The following HMHB1 variants were observed in gnomAD, a reference collection of about 807,000 sequenced individuals.
HMHB1 encodes the protein histocompatibility minor HB-1, also known as minor histocompatibility protein HB-1.
In HMHB1, 4 loss-of-function variants were observed where a neutral mutation model predicts 2.4. That is an observed-to-expected ratio of 1.65 (90% CI 0.81 to 3.77). HMHB1 has a LOEUF of 3.77. Ranked by LOEUF, HMHB1 falls within the 30% of genes most tolerant of loss-of-function variation. HMHB1 has a pLI of 0.01. For missense variants in HMHB1, 57 were observed against 44.2 expected (o/e 1.29, Z -0.82); for synonymous variants, 22 against 17.6 (o/e 1.25, Z -0.63).
At chr5:143,817,447 A>G (rs573008098) in intron 1 of HMHB1, among the ~76,000 whole-genome samples, 3 of 152,206 alleles carry the variant, frequency 2.0e-5, no homozygotes, top group Admixed American at 1.3e-4. Context: ...TCCCACCACC[A>G]TTTGTTGACA....
chr5:143,815,995 T>C (rs1428539985), intron 1 of HMHB1, among the ~76,000 whole-genome samples: 1 of 152,188 alleles, frequency 6.6e-6, no homozygotes. Flanking sequence ...CGTGAGCCGC[T>C]GTGCCCAGCC....
At position 143,812,315 on chromosome 5, in the gene HMHB1, G is replaced by C; in HGVS notation, c.37+11G>C. The C allele has an allele frequency of 1.9e-6, 3 of 1,550,712 alleles. No individual in the cohort carries two copies. Among genetic ancestry groups the C allele is most frequent in the Non-Finnish European group, 2.6e-6 (3 of 1,146,060 alleles). On this transcript the variant is annotated intron_variant, in intron 1 of 1. Coordinates refer to ENST00000289448, the MANE Select transcript of HMHB1 (RefSeq NM_021182.3). ...GAGAAGAAAAAAGAGGTGAGGGAGC[G>C]AGGAGGAGGGAGAACAGAGAGAGAG...
At position 143,820,488 on chromosome 5, in the gene HMHB1, C is replaced by T. The variant is rs161557; in HGVS notation, c.46C>T (p.His16Tyr). 0.24 allele frequency: 377,156 copies of T among 1,598,138 alleles called. 47,176 individuals carry two copies. The highest frequency in any genetic ancestry group is 0.41 in the East Asian group (18,378 of 44,698). ...GCCATTCTTTTCTATAGGTTCTCTG[C>T]ATGTTTGGAAGTCGGAATTGGTTGA... is the stretch of plus-strand genomic sequence containing the variant. The change falls in exon 2 of 2, where the codon CAT becomes TAT. Residue 16 changes from histidine to tyrosine, a missense_variant. By Grantham distance (83) the His-to-Tyr change is moderately conservative (BLOSUM62 2). Transcript: ENST00000289448.
chr5:143,820,340 A>AAACAG, intron 1 of HMHB1, 140 bp from the exon 2 acceptor site: 1 of 344,082 alleles, frequency 2.9e-6, no homozygotes, highest in Non-Finnish European at 5.3e-6. Context: ...AAAAAAAAAA[A>AAACAG]AAAAAAAAAA....
At chr5:143,820,341 AAAAAAAAAAC>A in intron 1 of HMHB1, 129 bp from the exon 2 acceptor site, 5 of 342,966 alleles carry the variant, frequency 1.5e-5, no homozygotes, top group Middle Eastern at 8.2e-4. Flanking sequence ...AAAAAAAAAA[AAAAAAAAAAC>A]AGAACAAAAC....
chr5:143,820,484 T>C lies in HMHB1; in HGVS notation c.42T>C (p.Ser14=). The C allele has an allele frequency of 6.2e-7, 1 of 1,603,330 alleles. No homozygotes were observed. Among genetic ancestry groups the C allele is most frequent in the African/African-American group, 1.3e-5 (1 of 74,796 alleles). ...CTAAGCCATTCTTTTCTATAGGTTC[T>C]CTGCATGTTTGGAAGTCGGAATTGG... is the stretch of plus-strand genomic sequence containing the variant. The change falls in exon 2 of 2, where the codon TCT becomes TCC. Residue 14 remains serine (S), a synonymous_variant. Transcript: ENST00000289448.
intron 1 of HMHB1, among the ~76,000 whole-genome samples, chr5:143,816,388 CT>C (rs1759749969): frequency 6.6e-6 from 1 of 152,130 alleles, no homozygotes; most frequent in Non-Finnish European, 1.5e-5. Flanking sequence ...CCAAAGTCCA[CT>C]GTGTCATTAT....
chr5:143,817,512 C>A (rs1404326817), intron 1 of HMHB1, among the ~76,000 whole-genome samples: 1 of 152,110 alleles, frequency 6.6e-6, no homozygotes, highest in Non-Finnish European at 1.5e-5. Flanking sequence ...TATCAGTTGG[C>A]TGTAAGTATT....
In HMHB1 at chr5:143,812,295, GAA is replaced by G. The variant is rs1561936253; in HGVS notation, c.33_34del (p.Gly13PhefsTer11). On this transcript the variant is annotated frameshift_variant, in exon 1 of 2. Transcript: ENST00000289448. LOFTEE classifies it low-confidence loss of function (END_TRUNC). ...GGAGGAGCAGCCAGAATGCAGAGAAGAAAAAAGAGGTGAGGGAGCGAGGAGGA... is the reference window on the plus strand; with the variant it reads ...GGAGGAGCAGCCAGAATGCAGAGAAGAAAAGAGGTGAGGGAGCGAGGAGGA... 6.4e-7 allele frequency: 1 copy of G among 1,551,594 alleles called. No homozygotes were observed. The highest frequency in any genetic ancestry group is 8.7e-7 in the Non-Finnish European group (1 of 1,146,948).
intron 1 of HMHB1, among the ~76,000 whole-genome samples, chr5:143,817,437 T>C (rs1759761740): frequency 6.6e-6 from 1 of 152,216 alleles, no homozygotes; most frequent in Admixed American, 6.5e-5. Context: ...TAGCCAATTA[T>C]CCCACCACCA....
intron 1 of HMHB1, 142 bp from the exon 2 acceptor site, chr5:143,820,338 A>AC (rs1759797181): frequency 2.9e-6 from 1 of 345,220 alleles, no homozygotes; most frequent in Admixed American, 4.6e-5. Flanking sequence ...AAAAAAAAAA[A>AC]AAAAAAAAAA....
intron 1 of HMHB1, among the ~76,000 whole-genome samples, chr5:143,817,137 AT>A (rs1181293928): frequency 6.6e-6 from 1 of 151,800 alleles, no homozygotes; most frequent in African/African-American, 2.4e-5. Context: ...GATTGTGAAG[AT>A]TTTTTTCTCA....
intron 1 of HMHB1, among the ~76,000 whole-genome samples, chr5:143,816,943 C>T (rs1372745707): frequency 6.6e-6 from 1 of 152,176 alleles, no homozygotes; most frequent in East Asian, 1.9e-4. Flanking sequence ...TTTGCATTTC[C>T]TTGATCATTA....
chr5:143,817,217 C>T (rs1266329493), intron 1 of HMHB1, among the ~76,000 whole-genome samples: 2 of 152,054 alleles, frequency 1.3e-5, no homozygotes, highest in East Asian at 3.9e-4. Context: ...TAATTAAGTC[C>T]CAGCTATTTA....
intron 1 of HMHB1, among the ~76,000 whole-genome samples, chr5:143,814,918 T>C (rs1759731062): frequency 6.6e-6 from 1 of 152,226 alleles, no homozygotes; most frequent in Admixed American, 6.5e-5. Flanking sequence ...CTACCAGGTT[T>C]TCTTCCTGAC....
chr5:143,820,345 A>AAAAAG, intron 1 of HMHB1, 135 bp from the exon 2 acceptor site: 1 of 292,780 alleles, frequency 3.4e-6, no homozygotes. Flanking sequence ...AAAAAAAAAA[A>AAAAAG]AAAAACAGAA....
chr5:143,816,345 C>T (rs971000728), intron 1 of HMHB1, among the ~76,000 whole-genome samples: 7 of 152,094 alleles, frequency 4.6e-5, no homozygotes, highest in Non-Finnish European at 1.0e-4. Context: ...TCTTTTATCC[C>T]TCACTCCCTT....
intron 1 of HMHB1, among the ~76,000 whole-genome samples, chr5:143,819,821 G>A (rs1020181917): frequency 1.3e-5 from 2 of 152,132 alleles, no homozygotes; most frequent in Non-Finnish European, 2.9e-5. Flanking sequence ...GTCATGGCAA[G>A]GGTGACATCA....
intron 1 of HMHB1, among the ~76,000 whole-genome samples, chr5:143,816,639 C>T (rs954578458): frequency 6.6e-6 from 1 of 152,158 alleles, no homozygotes; most frequent in Non-Finnish European, 1.5e-5. Flanking sequence ...TGATTTTGCA[C>T]GTGCAAATTA....
Sources: allele counts gnomAD v4.1 joint callset (sites outside exome capture counted in the v4.1 genomes callset), GRCh38; gene constraint gnomAD v4.1.1; transcripts MANE v1.5; gene names NCBI Gene and HGNC (gene_info 2026-07-23, HGNC 2026-07-21).